Variants in ASIC2 observed in about 807,000 individuals in gnomAD.
ASIC2 encodes the protein acid-sensing ion channel 2.
Under a neutral mutation model 57.3 loss-of-function variants are expected in ASIC2, and 25 were observed. That is an observed-to-expected ratio of 0.44 (90% CI 0.32 to 0.61). ASIC2 has a LOEUF of 0.61. Ranked by LOEUF, ASIC2 falls within the 20% of genes least tolerant of loss-of-function variation. ASIC2 has a pLI of 0.06. For synonymous variants in ASIC2, 319 were observed against 307.5 expected (o/e 1.04, Z -0.39); for missense variants, 641 against 738.1 (o/e 0.87, Z 1.52).
At chr17:33,214,785 TA>T (rs1401905629) in intron 1 of ASIC2, among the ~76,000 whole-genome samples, 2 of 152,118 alleles carry the variant, frequency 1.3e-5, no homozygotes, top group Non-Finnish European at 2.9e-5. Flanking sequence ...AGAAGGAAAC[TA>T]AAATTGCATG....
chr17:33,815,190 A>T (rs1912540338), intron 1 of ASIC2, among the ~76,000 whole-genome samples: 1 of 152,164 alleles, frequency 6.6e-6, no homozygotes, highest in Non-Finnish European at 1.5e-5. Flanking sequence ...AGTTTCCCAT[A>T]GTGGGGTCTA....
At chr17:33,762,739 T>TACTG (rs904360274) in intron 1 of ASIC2, among the ~76,000 whole-genome samples, 2 of 152,168 alleles carry the variant, frequency 1.3e-5, no homozygotes, top group African/African-American at 4.8e-5. Context: ...GGCTCAAAGA[T>TACTG]ACTGTATTTG....
At chr17:34,043,522 A>G (rs1908218437) in intron 1 of ASIC2, among the ~76,000 whole-genome samples, 1 of 152,240 alleles carries the variant, frequency 6.6e-6, no homozygotes, top group African/African-American at 2.4e-5. Context: ...TTTCAAATAT[A>G]TAAATTTTAA....
chr17:34,006,320 G>C (rs1238156189), intron 1 of ASIC2: 2 of 152,486 alleles, frequency 1.3e-5, no homozygotes, highest in South Asian at 4.1e-4. Context: ...ATGCATGAAC[G>C]AGGCTCTGGC....
At chr17:33,172,517 C>T (rs933626205) in intron 1 of ASIC2, among the ~76,000 whole-genome samples, 1 of 152,144 alleles carries the variant, frequency 6.6e-6, no homozygotes, top group African/African-American at 2.4e-5. Context: ...GTCCTTACCC[C>T]CTAGGAGACA....
intron 1 of ASIC2, among the ~76,000 whole-genome samples, chr17:33,917,855 TACAC>T (rs10645495): frequency 3.7e-4 from 51 of 139,078 alleles, no homozygotes; most frequent in Middle Eastern, 3.5e-3. Context: ...TAAAGCCCGG[TACAC>T]ACACACACAC....
At chr17:33,443,610 G>T (rs914945691) in intron 1 of ASIC2, among the ~76,000 whole-genome samples, 10 of 150,016 alleles carry the variant, frequency 6.7e-5, no homozygotes, top group Admixed American at 2.0e-4. Flanking sequence ...TAGAGACGGG[G>T]TTTCACCGTT....
intron 1 of ASIC2, among the ~76,000 whole-genome samples, chr17:33,875,465 G>A (rs1044020484): frequency 2.0e-5 from 3 of 151,946 alleles, no homozygotes; most frequent in Non-Finnish European, 4.4e-5. Context: ...AGAGACAGCT[G>A]AAAATGAAAA....
At chr17:33,822,653 C>T (rs1333372690) in intron 1 of ASIC2, among the ~76,000 whole-genome samples, 1 of 152,184 alleles carries the variant, frequency 6.6e-6, no homozygotes, top group Non-Finnish European at 1.5e-5. Context: ...TATTCTTGCT[C>T]TGATTCTTGT....
chr17:33,265,587 T>C (rs935407477), intron 1 of ASIC2, among the ~76,000 whole-genome samples: 1 of 152,138 alleles, frequency 6.6e-6, no homozygotes, highest in Admixed American at 6.5e-5. Flanking sequence ...GGTTGATAGG[T>C]GCAGCAAACC....
chr17:33,291,465 G>A lies in ASIC2; in HGVS notation c.651C>T (p.Asp217=). The change falls in exon 1 of 10, where the codon GAC becomes GAT. Residue 217 remains aspartate (D), a synonymous_variant. Transcript: ENST00000225823. ...CGCGGTACTTGCAGGAGAGCAGCAT[G>A]TCCTCCAGCTGGTGGCCCAGGCGGT... The part of the protein sequence containing the change: ...FMDRLGHQLE[D]MLLSCKYRGE... The A allele has an allele frequency of 6.2e-7, 1 of 1,612,184 alleles. No individual in the cohort carries two copies. The highest frequency in any genetic ancestry group is 8.5e-7 in the Non-Finnish European group (1 of 1,179,570).
chr17:33,185,658 C>T (rs895691357), intron 1 of ASIC2, among the ~76,000 whole-genome samples: 1 of 152,100 alleles, frequency 6.6e-6, no homozygotes, highest in Non-Finnish European at 1.5e-5. Flanking sequence ...TAAGAGTACA[C>T]AAGAGGAAAG....
rs908151185 is a variant in ASIC2 at position 33,659,885 on chromosome 17, A to C, written c.555+496093T>G. Among the ~76,000 whole-genome samples, 189 of 136,636 alleles carry C rather than the reference A, an allele frequency of 1.4e-3. 2 individuals are homozygous for C. The highest frequency in any genetic ancestry group is 4.0e-4 in the East Asian group (2 of 4,998). 89.6% of individuals were successfully genotyped at this position (136,636 alleles called of 152,430 possible). ...AGACTCTGTCTCAAATAAATAAATA[A>C]ATAAATAAATAAATAAATAAATAAA... On this transcript the variant is annotated intron_variant, in intron 1 of 9. Transcript: ENST00000359872.
intron 1 of ASIC2, among the ~76,000 whole-genome samples, chr17:33,864,828 TAA>T (rs1914190602): frequency 6.6e-6 from 1 of 152,128 alleles, no homozygotes; most frequent in Admixed American, 6.6e-5. Context: ...AAGATACACC[TAA>T]GAGAGGAAAA....
At position 33,880,190 on chromosome 17, in the gene ASIC2, A is replaced by G. The variant is rs535359010; in HGVS notation, c.555+275788T>C. The stretch of plus-strand genomic sequence containing the variant: ...AATTGACATCCTAACATCACAATTA[A>G]AAGAACTAGAGAAGCAAGAGCAAAC... On this transcript the variant is annotated intron_variant, in intron 1 of 9. Coordinates refer to the ASIC2 transcript ENST00000359872. Among the ~76,000 whole-genome samples, 3 of 152,340 alleles carry G rather than the reference A, an allele frequency of 2.0e-5. No individual in the cohort carries two copies. In the South Asian group the frequency reaches 6.2e-4, roughly 32 times the overall value.
chr17:33,761,072 C>T (rs907189012), intron 1 of ASIC2, among the ~76,000 whole-genome samples: 1 of 152,128 alleles, frequency 6.6e-6, no homozygotes, highest in African/African-American at 2.4e-5. Flanking sequence ...TGTAGACATT[C>T]CTCATTCATC....
chr17:33,942,664 C>T (rs1240083272), intron 1 of ASIC2, among the ~76,000 whole-genome samples: 3 of 152,074 alleles, frequency 2.0e-5, no homozygotes, highest in Non-Finnish European at 4.4e-5. Flanking sequence ...CAAATTGGGG[C>T]CCTGAAGTCA....
At chr17:33,881,127 A>G (rs1342873544) in intron 1 of ASIC2, among the ~76,000 whole-genome samples, 3 of 152,348 alleles carry the variant, frequency 2.0e-5, no homozygotes, top group South Asian at 2.1e-4. Flanking sequence ...AATAAGAGCT[A>G]TCTATGATAA....
chr17:33,103,030 G>T (rs182040972), intron 2 of ASIC2, among the ~76,000 whole-genome samples: 3 of 152,192 alleles, frequency 2.0e-5, no homozygotes, highest in Admixed American at 1.3e-4. Flanking sequence ...TGATCCGCCC[G>T]CCTTGGCCTC....
Sources: gnomAD v4.1 joint callset for allele counts (sites outside exome capture counted in the v4.1 genomes callset) on GRCh38, gnomAD v4.1.1 for gene constraint, MANE v1.5 for transcripts, NCBI Gene and HGNC (gene_info 2026-07-23, HGNC 2026-07-21) for gene names.